PPP1R13B: variants seen among roughly 807,000 people sequenced by gnomAD.
PPP1R13B encodes the protein protein phosphatase 1 regulatory subunit 13B.
A neutral mutation model predicts 119.8 loss-of-function variants in PPP1R13B; 44 were observed. The observed-to-expected ratio is 0.37, with a 90% CI of 0.29 to 0.47. The LOEUF is 0.47. Ranked by LOEUF, PPP1R13B falls within the 20% of genes least tolerant of loss-of-function variation. PPP1R13B has a pLI of 0.99. For missense variants in PPP1R13B, 1,227 were observed against 1,413.5 expected (o/e 0.87, Z 2.12); for synonymous variants, 542 against 561.5 (o/e 0.97, Z 0.49).
At chr14:103,768,217 G>A (rs1213789337) in intron 4 of PPP1R13B, among the ~76,000 whole-genome samples, 1 of 151,330 alleles carries the variant, frequency 6.6e-6, no homozygotes, top group Non-Finnish European at 1.5e-5. Flanking sequence ...CGGGGTTCAA[G>A]TGATTCTCCT....
chr14:103,795,975 A>G (rs940684491), intron 2 of PPP1R13B, among the ~76,000 whole-genome samples: 14 of 152,190 alleles, frequency 9.2e-5, no homozygotes. Context: ...TCAGTAACAA[A>G]AAGACAAATA....
chr14:103,786,787 A>G (rs2085473915), intron 2 of PPP1R13B, among the ~76,000 whole-genome samples: 1 of 150,196 alleles, frequency 6.7e-6, no homozygotes, highest in Non-Finnish European at 1.5e-5. Context: ...AAAAAAAAAA[A>G]AGGCTGGTCA....
At chr14:103,781,676 C>T (rs2085337370) in intron 3 of PPP1R13B, among the ~76,000 whole-genome samples, 1 of 151,878 alleles carries the variant, frequency 6.6e-6, no homozygotes, top group African/African-American at 2.4e-5. Context: ...TTTTGAAACA[C>T]AGTCTCGCTC....
At chr14:103,836,641 G>C (rs560562087) in intron 1 of PPP1R13B, among the ~76,000 whole-genome samples, 1 of 151,838 alleles carries the variant, frequency 6.6e-6, no homozygotes, top group African/African-American at 2.4e-5. Context: ...GTGGTGGCAC[G>C]CACCTGTAAT....
At chr14:103,784,380 C>T (rs1448380483) in intron 3 of PPP1R13B, among the ~76,000 whole-genome samples, 2 of 151,778 alleles carry the variant, frequency 1.3e-5, no homozygotes, top group African/African-American at 4.8e-5. Context: ...GTCAAGAGTT[C>T]GAGACCAGCC....
At position 103,733,272 on chromosome 14, in the gene PPP1R13B, G is replaced by A; in HGVS notation, c.*1882C>T. On this transcript the variant is annotated 3_prime_UTR_variant, in exon 17 of 17. Transcript: ENST00000202556. ...CTTAATTGGGGGTGGGAGAGACTGAGCTACACTACTGCTAAACTATTTTTA... is the reference window on the plus strand; with the variant it reads ...CTTAATTGGGGGTGGGAGAGACTGAACTACACTACTGCTAAACTATTTTTA... 1 of 497,500 alleles carries A rather than the reference G, an allele frequency of 2.0e-6. No individual in the cohort carries two copies. Among genetic ancestry groups the A allele is most frequent in the Non-Finnish European group, 3.6e-6 (1 of 279,060 alleles). The allele number at this position is 497,500 out of a possible 1,614,324, so 30.8% of individuals were successfully genotyped here.
chr14:103,783,087 G>A (rs1595765727), intron 3 of PPP1R13B, among the ~76,000 whole-genome samples: 1 of 150,322 alleles, frequency 6.7e-6, no homozygotes, highest in Non-Finnish European at 1.5e-5. Flanking sequence ...ATTATAGGTG[G>A]GAACCAGCAC....
At position 103,753,194 on chromosome 14, in the gene PPP1R13B, C is replaced by G; in HGVS notation, c.634G>C (p.Ala212Pro). The change falls in exon 7 of 17, where the codon GCT (alanine) becomes CCT (proline). Residue 212 changes from alanine to proline, a missense_variant and splice_region_variant. Ala to Pro is a conservative substitution (Grantham distance 27). Coordinates refer to ENST00000202556, the MANE Select transcript of PPP1R13B (RefSeq NM_015316.3). Reference sequence around the variant, plus strand: ...ATGGCACTGAACCTTTCTATTTCAGCAGCTATAATTGACCACACAAGAAAA... The same window carrying G: ...ATGGCACTGAACCTTTCTATTTCAGGAGCTATAATTGACCACACAAGAAAA... ...YSKIMNGNLS[A>P]EIERFSAMFQ... The G allele has an allele frequency of 3.1e-6, 5 of 1,606,830 alleles. No individual in the cohort carries two copies. The highest frequency in any genetic ancestry group is 4.2e-6 in the Non-Finnish European group (5 of 1,177,922).
chr14:103,754,304 T>A, intron 5 of PPP1R13B, 60 bp from the exon 6 acceptor site: 1 of 1,515,246 alleles, frequency 6.6e-7, no homozygotes. Flanking sequence ...GTGGCTCACA[T>A]CTGTAATTCC....
chr14:103,797,712 A>C (rs1195387453), intron 1 of PPP1R13B, among the ~76,000 whole-genome samples, 194 bp from the exon 2 acceptor site: 2 of 151,126 alleles, frequency 1.3e-5, no homozygotes, highest in East Asian at 3.9e-4. Context: ...GAAAATTCCA[A>C]ATGAGGAGAG....
At chr14:103,768,457 C>T (rs537636787) in intron 4 of PPP1R13B, among the ~76,000 whole-genome samples, 15 of 152,070 alleles carry the variant, frequency 9.9e-5, no homozygotes, top group African/African-American at 2.2e-4. Context: ...CCACCACGCC[C>T]GGCTAATTTT....
At chr14:103,804,889 T>A (rs749630233) in intron 1 of PPP1R13B, among the ~76,000 whole-genome samples, 31 of 152,280 alleles carry the variant, frequency 2.0e-4, no homozygotes, top group Middle Eastern at 3.4e-3. Flanking sequence ...CCAGCTGGAG[T>A]GCAGTGGCTC....
At chr14:103,755,806 T>G (rs563153814) in intron 5 of PPP1R13B, among the ~76,000 whole-genome samples, 4 of 152,224 alleles carry the variant, frequency 2.6e-5, no homozygotes, top group African/African-American at 4.8e-5. Flanking sequence ...TATTTTATCT[T>G]AGAAATCTTA....
Position 103,735,044 on chromosome 14 carries a change from G to T in PPP1R13B, c.*110C>A. On this transcript the variant is annotated 3_prime_UTR_variant, in exon 17 of 17. Transcript: ENST00000202556. ...CATTGTGGACGCTGTCTGCTAAAGT[G>T]AGCACCATTAAGACCATTTTCTAGC... 8.3e-7 allele frequency: 1 copy of T among 1,206,054 alleles called. No homozygotes were observed. Among genetic ancestry groups the T allele is most frequent in the South Asian group, 1.2e-5 (1 of 80,248 alleles). The allele number at this position is 1,206,054 out of a possible 1,614,324, so 74.7% of individuals were successfully genotyped here. A position where few individuals can be genotyped will look rare whatever the true frequency, so the allele number is the denominator to read the frequency against.
chr14:103,842,644 A>T (rs1193152207), intron 1 of PPP1R13B, among the ~76,000 whole-genome samples: 1 of 151,962 alleles, frequency 6.6e-6, no homozygotes, highest in African/African-American at 2.4e-5. Context: ...TCAGAGCTAC[A>T]GAACAGTTCT....
chr14:103,740,153 A>G lies in PPP1R13B; in HGVS notation c.2263T>C (p.Leu755=), dbSNP rs746087146. The change falls in exon 12 of 17, where the codon TTG becomes CTG. Residue 755 remains leucine, a synonymous_variant. Transcript: ENST00000202556. The surrounding 1 kb of genome is among the most constrained non-coding windows in gnomAD (Gnocchi z 4.6). The part of the protein sequence containing the change: ...PSPSQDFMGT[L]ADVDNGNTNA... ...GTGTTTCCATTGTCCACATCGGCCAAGGTGCCCATGAAGTCCTGGGAGGGG... is the reference window on the plus strand; with the variant it reads ...GTGTTTCCATTGTCCACATCGGCCAGGGTGCCCATGAAGTCCTGGGAGGGG... The G allele has an allele frequency of 6.2e-7, 1 of 1,613,626 alleles. No individual in the cohort carries two copies.
chr14:103,804,205 G>T, intron 1 of PPP1R13B: 1 of 237,066 alleles, frequency 4.2e-6, no homozygotes, highest in Non-Finnish European at 6.9e-6. Context: ...GCAGGATGAG[G>T]CAGGCAGAAA....
chr14:103,816,304 C>T (rs544855205), intron 1 of PPP1R13B, among the ~76,000 whole-genome samples: 4 of 150,900 alleles, frequency 2.7e-5, no homozygotes, highest in South Asian at 4.2e-4. Context: ...AATACAGGTG[C>T]GTGCCACCAC....
intron 4 of PPP1R13B, among the ~76,000 whole-genome samples, chr14:103,766,251 A>G (rs1400740710): frequency 6.6e-6 from 1 of 151,814 alleles, no homozygotes; most frequent in Admixed American, 6.6e-5. Context: ...CTCATGATCC[A>G]CCCACCTCGG....
Sources: allele counts gnomAD v4.1 joint callset (sites outside exome capture counted in the v4.1 genomes callset), GRCh38; gene constraint gnomAD v4.1.1; non-coding constraint Gnocchi (gnomAD v3.1); transcripts MANE v1.5; gene names NCBI Gene and HGNC (gene_info 2026-07-23, HGNC 2026-07-21).